Variants in NAV2 observed in about 807,000 individuals in gnomAD.
NAV2 encodes the protein neuron navigator 2, also known as helicase, APC down-regulated 1.
NAV2 carries 54 observed loss-of-function variants against 223.2 expected under a neutral mutation model. The ratio of observed to expected loss-of-function variants is 0.24; its 90% CI spans 0.19 to 0.30. NAV2 has a LOEUF of 0.30. Ranked by LOEUF, NAV2 falls within the 10% of genes least tolerant of loss-of-function variation. The pLI, the probability that NAV2 is intolerant of heterozygous loss-of-function variation, is 1.00. For missense variants in NAV2, 2,806 were observed against 3,147.5 expected, an observed-to-expected ratio of 0.89 and a Z score of 2.60; for synonymous variants, 1,279 against 1,239.3, an observed-to-expected ratio of 1.03 and a Z score of -0.67.
chr11:20,056,513 T>G (rs1205232588), intron 19 of NAV2: 4 of 1,568,426 alleles, frequency 2.6e-6, no homozygotes, highest in Non-Finnish European at 3.5e-6. Context: ...TTTTTATGTT[T>G]GGTTCATTTT....
intron 36 of NAV2, 143 bp downstream of exon 36, chr11:20,107,925 G>T: frequency 1.5e-6 from 1 of 659,916 alleles, no homozygotes; most frequent in South Asian, 1.8e-5. Flanking sequence ...GTGTAGTCCA[G>T]TGTAGGGACA....
Position 19,897,886 on chromosome 11 carries a change from T to TTATATATATATATATA in NAV2, c.931+5296_931+5311dup, listed in dbSNP as rs10524489. Among the ~76,000 whole-genome samples, 144 of 120,666 alleles carry TTATATATATATATATA rather than the reference T, an allele frequency of 1.2e-3. 11 individuals are homozygous for TTATATATATATATATA. The highest frequency in any genetic ancestry group is 9.2e-3 in the South Asian group (29 of 3,158). The allele number at this position is 120,666 out of a possible 152,430, so 79.2% of individuals were successfully genotyped here. On this transcript the variant is annotated intron_variant, in intron 6 of 37. Coordinates refer to ENST00000349880, the MANE Select transcript of NAV2 (RefSeq NM_145117.5). ...GCCACAGCTGTGCCTGACCTGTGATTTATATATATATATATATATGTGAGC... is the reference window on the plus strand; with the variant it reads ...GCCACAGCTGTGCCTGACCTGTGATTTATATATATATATATATATATATATATATATATATGTGAGC...
At chr11:19,856,035 A>G (rs771735901) in intron 3 of NAV2, among the ~76,000 whole-genome samples, 1 of 152,262 alleles carries the variant, frequency 6.6e-6, no homozygotes, top group Non-Finnish European at 1.5e-5. Flanking sequence ...AGATAGAACC[A>G]TATGAAATGA....
Position 19,948,906 on chromosome 11 carries a change from C to A in NAV2, c.2471C>A (p.Ser824Tyr). 1 of 1,614,146 alleles carries A rather than the reference C, an allele frequency of 6.2e-7. No homozygotes were observed. Among genetic ancestry groups the A allele is most frequent in the Non-Finnish European group, 8.5e-7 (1 of 1,180,040 alleles). The part of the protein sequence containing the change: ...INTESGRYVY[S>Y]APLRRQLASR... ...ACTGAGTCAGGTCGCTATGTGTACT[C>A]CGCCCCTCTGAGAAGGCAGCTGGCC... Residue 824 changes from serine (S) to tyrosine (Y), a missense_variant, in exon 10 of 38, where the codon TCC (serine) becomes TAC (tyrosine). By Grantham distance (144) the Ser-to-Tyr change is moderately radical. Transcript: ENST00000349880.
At chr11:20,005,438 GT>G (rs1565748560) in intron 11 of NAV2, among the ~76,000 whole-genome samples, 1 of 151,424 alleles carries the variant, frequency 6.6e-6, no homozygotes, top group Non-Finnish European at 1.5e-5. Flanking sequence ...TAGAGATAGG[GT>G]TTCACCTTGT....
At chr11:20,046,890 T>C (rs904076110) in intron 14 of NAV2, among the ~76,000 whole-genome samples, 5 of 152,120 alleles carry the variant, frequency 3.3e-5, no homozygotes, top group Admixed American at 2.0e-4. Flanking sequence ...TAAGAAAGAA[T>C]AAGTCCCAAG....
chr11:19,891,128 T>C (rs1458460448), intron 5 of NAV2, among the ~76,000 whole-genome samples: 1 of 152,212 alleles, frequency 6.6e-6, no homozygotes, highest in African/African-American at 2.4e-5. Context: ...TTTAAAGTGA[T>C]TGCCTGCTTA....
chr11:19,800,987 G>A (rs1159771551), intron 1 of NAV2, among the ~76,000 whole-genome samples: 3 of 152,290 alleles, frequency 2.0e-5, no homozygotes, highest in East Asian at 1.9e-4. Flanking sequence ...TCCTCATGAG[G>A]TTGTTAGGAC....
chr11:19,572,590 CT>C (rs1329368781), intron 1 of NAV2, among the ~76,000 whole-genome samples: 1 of 152,168 alleles, frequency 6.6e-6, no homozygotes, highest in Non-Finnish European at 1.5e-5. Context: ...GCAACCCCGT[CT>C]TGTTAGTAAT....
chr11:20,066,731 G>C (rs145742242), intron 20 of NAV2, among the ~76,000 whole-genome samples: 3 of 152,334 alleles, frequency 2.0e-5, no homozygotes, highest in East Asian at 1.9e-4. Context: ...AGGGTCAGAT[G>C]CTGATTTTTA....
chr11:19,723,661 C>G (rs2050963667), intron 1 of NAV2, among the ~76,000 whole-genome samples: 1 of 152,200 alleles, frequency 6.6e-6, no homozygotes, highest in Non-Finnish European at 1.5e-5. Context: ...CCCTATTTGG[C>G]CTTTGCCCAC....
chr11:19,489,067 T>A (rs747608421), intron 1 of NAV2, among the ~76,000 whole-genome samples: 2 of 152,202 alleles, frequency 1.3e-5, no homozygotes, highest in Non-Finnish European at 2.9e-5. Flanking sequence ...TCAGCATCTC[T>A]TCTACTGTCT....
intron 1 of NAV2, among the ~76,000 whole-genome samples, chr11:19,646,917 C>T (rs2047830897): frequency 6.6e-6 from 1 of 152,182 alleles, no homozygotes. Flanking sequence ...TCTTCAGGCA[C>T]TACAGGAGGA....
chr11:19,376,865 T>C (rs1354656812), intron 1 of NAV2, among the ~76,000 whole-genome samples: 1 of 152,240 alleles, frequency 6.6e-6, no homozygotes, highest in Non-Finnish European at 1.5e-5. Flanking sequence ...GTGTATGGTA[T>C]TTAACAAGCA....
intron 10 of NAV2, among the ~76,000 whole-genome samples, chr11:19,965,614 A>G (rs1396525281): frequency 1.3e-5 from 2 of 152,154 alleles, no homozygotes; most frequent in Non-Finnish European, 2.9e-5. Context: ...CATTCCACAC[A>G]TTGGTGAGAG....
At chr11:19,829,435 C>G (rs572289990) in intron 1 of NAV2, among the ~76,000 whole-genome samples, 1 of 152,306 alleles carries the variant, frequency 6.6e-6, no homozygotes, top group East Asian at 1.9e-4. Flanking sequence ...CATTTGTATC[C>G]TGGAGATTCA....
intron 1 of NAV2, among the ~76,000 whole-genome samples, chr11:19,463,516 C>G (rs1455459552): frequency 6.6e-6 from 1 of 152,238 alleles, no homozygotes; most frequent in Non-Finnish European, 1.5e-5. Context: ...AGACTCCTAA[C>G]TTCTTTGCTT....
chr11:19,354,579 T>C (rs1389632983), intron 1 of NAV2, among the ~76,000 whole-genome samples: 1 of 152,266 alleles, frequency 6.6e-6, no homozygotes, highest in Non-Finnish European at 1.5e-5. Context: ...TTATGATTAT[T>C]CTTGAATTTC....
chr11:19,695,110 G>A (rs1401815479), intron 1 of NAV2, among the ~76,000 whole-genome samples: 1 of 152,134 alleles, frequency 6.6e-6, no homozygotes, highest in Admixed American at 6.6e-5. Flanking sequence ...ACCTGATTAG[G>A]GGATCACCTC....
Sources: allele counts gnomAD v4.1 joint callset (sites outside exome capture counted in the v4.1 genomes callset), GRCh38; gene constraint gnomAD v4.1.1; transcripts MANE v1.5; gene names NCBI Gene and HGNC (gene_info 2026-07-23, HGNC 2026-07-21).